SLC35B4: variants seen among roughly 807,000 people sequenced by gnomAD.
SLC35B4 encodes the protein nucleotide sugar transporter SLC35B4.
Under a neutral mutation model 39.5 loss-of-function variants are expected in SLC35B4, and 28 were observed. That is an observed-to-expected ratio of 0.71 (90% CI 0.53 to 0.97). The LOEUF (loss-of-function observed/expected upper bound fraction) is 0.97, where lower values mean the gene tolerates loss of function less well. Ranked by LOEUF, SLC35B4 falls within the 50% of genes least tolerant of loss-of-function variation. SLC35B4 has a pLI of 0.00. For missense variants in SLC35B4, 334 were observed against 414.3 expected (o/e 0.81, Z 1.68); for synonymous variants, 145 against 150.4 (o/e 0.96, Z 0.26).
At chr7:134,306,596 T>C in intron 3 of SLC35B4, 76 bp downstream of exon 3, 1 of 1,220,560 alleles carries the variant, frequency 8.2e-7, no homozygotes, top group Non-Finnish European at 1.2e-6. Context: ...AACCTTCTAG[T>C]TCTGCCATAT....
chr7:134,313,893 A>G (rs539097511), intron 1 of SLC35B4, among the ~76,000 whole-genome samples: 2 of 152,304 alleles, frequency 1.3e-5, no homozygotes, highest in African/African-American at 4.8e-5. Context: ...CTCTTATTTT[A>G]TTGATCTGTA....
At chr7:134,301,528 A>G (rs1803581148) in intron 6 of SLC35B4, among the ~76,000 whole-genome samples, 1 of 152,222 alleles carries the variant, frequency 6.6e-6, no homozygotes, top group Non-Finnish European at 1.5e-5. Flanking sequence ...CACCAGTGGC[A>G]ACCAAGAAAA....
In SLC35B4 at chr7:134,294,769, G is replaced by A; in HGVS notation, c.*64C>T. 1 of 1,582,604 alleles carries A rather than the reference G, an allele frequency of 6.3e-7. No individual in the cohort carries two copies. Among genetic ancestry groups the A allele is most frequent in the Middle Eastern group, 2.1e-4 (1 of 4,680 alleles). On this transcript the variant is annotated 3_prime_UTR_variant, in exon 10 of 10. Transcript: ENST00000378509. ...GCTCGGCATTAACAAAAGCGAAACG[G>A]TGGTCAGACCTTCACAGGGTCCCAC...
chr7:134,318,797 C>A (rs1049241441), upstream of SLC35B4, among the ~76,000 whole-genome samples: 1 of 152,154 alleles, frequency 6.6e-6, no homozygotes, highest in African/African-American at 2.4e-5. Context: ...AAAAAATGGC[C>A]TGAGTACTGT....
intron 1 of SLC35B4, 111 bp downstream of exon 1, chr7:134,316,564 C>CCGTGGGCGGCGGGGTGGGGACAGGG: frequency 8.6e-7 from 1 of 1,156,696 alleles, no homozygotes; most frequent in Non-Finnish European, 1.2e-6. Context: ...GCCCCGGGCT[C>CCGTGGGCGGCGGGGTGGGGACAGGG]CGTGGGCGGC....
chr7:134,315,198 G>A (rs374252001), intron 1 of SLC35B4, among the ~76,000 whole-genome samples: 246 of 152,324 alleles, frequency 1.6e-3, no homozygotes, highest in African/African-American at 5.7e-3. Context: ...TAGGAGCTTA[G>A]ATATCTTGGG....
At chr7:134,306,597 T>C (rs1803714378) in intron 3 of SLC35B4, 75 bp downstream of exon 3, 1 of 1,229,146 alleles carries the variant, frequency 8.1e-7, no homozygotes, top group Admixed American at 2.1e-5. Flanking sequence ...ACCTTCTAGT[T>C]CTGCCATATA....
intron 8 of SLC35B4, among the ~76,000 whole-genome samples, chr7:134,298,023 A>AT (rs1163614897): frequency 6.6e-6 from 1 of 152,172 alleles, no homozygotes; most frequent in Non-Finnish European, 1.5e-5. Flanking sequence ...GTATTACTAA[A>AT]TTTTTTTCAG....
chr7:134,317,667 G>C (rs1188434038), upstream of SLC35B4, among the ~76,000 whole-genome samples: 1 of 152,202 alleles, frequency 6.6e-6, no homozygotes, highest in Non-Finnish European at 1.5e-5. Context: ...ATCTTTAATG[G>C]TGAAAAGAAG....
At chr7:134,296,348 A>C in intron 9 of SLC35B4, 43 bp downstream of exon 9, 1 of 1,511,712 alleles carries the variant, frequency 6.6e-7, no homozygotes, top group Non-Finnish European at 9.2e-7. Flanking sequence ...TGCCAAAAGA[A>C]CCTGATGATG....
In SLC35B4 at chr7:134,306,746, A is replaced by G. The variant is rs1405550871; in HGVS notation, c.220T>C (p.Phe74Leu). 6.2e-7 allele frequency: 1 copy of G among 1,613,840 alleles called. No individual in the cohort carries two copies. Among genetic ancestry groups the G allele is most frequent in the East Asian group, 2.2e-5 (1 of 44,882 alleles). Residue 74 changes from phenylalanine (F) to leucine (L), a missense_variant, in exon 3 of 10, where the codon TTC (phenylalanine) becomes CTC (leucine). Coordinates refer to ENST00000378509, the MANE Select transcript of SLC35B4 (RefSeq NM_032826.5). The stretch of plus-strand genomic sequence containing the variant: ...TAGTTGTTCACCACGCTCACGGTGA[A>G]GAACATGGTCACCATTATGGCATAG... ...RYYAIMVTMFFTVSVVNNYAL... is the reference protein window; with the variant it reads ...RYYAIMVTMFLTVSVVNNYAL...
Position 134,304,819 on chromosome 7 carries a change from G to C in SLC35B4, c.330C>G (p.Ile110Met), listed in dbSNP as rs770604100. ...SLIANMILGI[I>M]ILKKRYSIFK... ...GTATTGTTTACCTTTTCTTCAAAATGATAATTCCTAGAATCATGTTGGCAA... is the reference window on the plus strand; with the variant it reads ...GTATTGTTTACCTTTTCTTCAAAATCATAATTCCTAGAATCATGTTGGCAA... The change falls in exon 4 of 10, where the codon ATC becomes ATG. Residue 110 changes from isoleucine (I) to methionine (M), a missense_variant. By Grantham distance (10) the Ile-to-Met change is conservative. Coordinates refer to ENST00000378509, the MANE Select transcript of SLC35B4 (RefSeq NM_032826.5). The C allele has an allele frequency of 6.2e-7, 1 of 1,611,718 alleles. No individual in the cohort carries two copies. Among genetic ancestry groups the C allele is most frequent in the Admixed American group, 1.7e-5 (1 of 59,986 alleles).
intron 3 of SLC35B4, among the ~76,000 whole-genome samples, chr7:134,305,336 G>GTATA (rs112975529): frequency 0.33 from 49,549 of 149,006 alleles, 9,960 homozygotes; most frequent in South Asian, 0.47. Flanking sequence ...AAAAATATAC[G>GTATA]TATATATATA....
At chr7:134,300,329 C>T in intron 6 of SLC35B4, 68 bp from the exon 7 acceptor site, 3 of 1,154,662 alleles carry the variant, frequency 2.6e-6, no homozygotes, top group South Asian at 2.8e-5. Context: ...TCTTGAAGAA[C>T]ATTATTGTTT....
At chr7:134,319,872 A>G (rs1355183612), upstream of SLC35B4, among the ~76,000 whole-genome samples, 1 of 152,034 alleles carries the variant, frequency 6.6e-6, no homozygotes, top group Non-Finnish European at 1.5e-5. Context: ...CCACCTCACA[A>G]GTATCTCTAG....
intron 1 of SLC35B4, among the ~76,000 whole-genome samples, chr7:134,313,570 G>A (rs536603474): frequency 6.6e-6 from 1 of 152,258 alleles, no homozygotes; most frequent in Non-Finnish European, 1.5e-5. Context: ...TATCTGCTCT[G>A]TCCACTGCAT....
In SLC35B4 at chr7:134,290,364, C is replaced by G. The variant is rs569298460; in HGVS notation, c.*4469G>C. On this transcript the variant is annotated 3_prime_UTR_variant, in exon 10 of 10. Transcript: ENST00000378509. ...GCTGATGAGGAGTGGGAACAGGTAT[C>G]ACGAACCCTCAGGTTTTCCAGAAAC... 1 of 152,252 alleles carries G rather than the reference C, an allele frequency of 6.6e-6. No individual in the cohort carries two copies. Among genetic ancestry groups the G allele is most frequent in the Admixed American group, 6.5e-5 (1 of 15,294 alleles). The allele number at this position is 152,252 out of a possible 1,614,324, so 9.4% of individuals were successfully genotyped here.
At chr7:134,309,587 A>G in intron 1 of SLC35B4, 108 bp from the exon 2 acceptor site, 1 of 713,908 alleles carries the variant, frequency 1.4e-6, no homozygotes, top group South Asian at 1.6e-5. Flanking sequence ...ATGGATTTCA[A>G]TTACCCACTG....
chr7:134,316,863 G>C lies in SLC35B4; in HGVS notation c.-112C>G. The C allele has an allele frequency of 1.8e-6, 2 of 1,115,886 alleles. No homozygotes were observed. Among genetic ancestry groups the C allele is most frequent in the East Asian group, 2.7e-5 (1 of 37,646 alleles). The allele number at this position is 1,115,886 out of a possible 1,614,324, so 69.1% of individuals were successfully genotyped here. A position where few individuals can be genotyped will look rare whatever the true frequency, so the allele number is the denominator to read the frequency against. On this transcript the variant is annotated 5_prime_UTR_variant, in exon 1 of 10. Coordinates refer to ENST00000378509, the MANE Select transcript of SLC35B4 (RefSeq NM_032826.5). ...CTGCGCAGCACATCGCACCGTCCTGGAAAGCCGCTCTCACTGGGGGCCGCC... is the reference window on the plus strand; with the variant it reads ...CTGCGCAGCACATCGCACCGTCCTGCAAAGCCGCTCTCACTGGGGGCCGCC...
Sources: allele counts gnomAD v4.1 joint callset (sites outside exome capture counted in the v4.1 genomes callset), GRCh38; gene constraint gnomAD v4.1.1; transcripts MANE v1.5; gene names NCBI Gene and HGNC (gene_info 2026-07-23, HGNC 2026-07-21).